ZRANB3: variants seen among roughly 807,000 people sequenced by gnomAD.
ZRANB3 encodes the protein zinc finger RANBP2-type containing 3, also known as DNA annealing helicase and endonuclease ZRANB3.
A neutral mutation model predicts 133.8 loss-of-function variants in ZRANB3; 125 were observed. The observed-to-expected ratio is 0.93, with a 90% CI of 0.81 to 1.08. ZRANB3 has a LOEUF of 1.08. Ranked by LOEUF, ZRANB3 falls within the 50% of genes least tolerant of loss-of-function variation. The pLI is 0.00. For missense variants in ZRANB3, 1,229 were observed against 1,275.5 expected, an observed-to-expected ratio of 0.96 and a Z score of 0.56; for synonymous variants, 387 against 432.7, an observed-to-expected ratio of 0.89 and a Z score of 1.31.
intron 2 of ZRANB3, among the ~76,000 whole-genome samples, chr2:135,483,117 T>C (rs1024990706): frequency 3.3e-5 from 5 of 152,118 alleles, no homozygotes; most frequent in Non-Finnish European, 5.9e-5. Flanking sequence ...GGTATCAGAA[T>C]GATGCTGGCC....
rs540141067 is a variant in ZRANB3 at position 135,322,470 on chromosome 2, C to A, written c.678-6940G>T. On this transcript the variant is annotated intron_variant, in intron 6 of 20. Transcript: ENST00000264159. ...GTGGCTCATGCCTGTAATCCCAACA[C>A]TTTGGGAGGTCAAAGTGGGAGAATT... is the stretch of plus-strand genomic sequence containing the variant. Among the ~76,000 whole-genome samples, 8 of 152,216 alleles carry A rather than the reference C, an allele frequency of 5.3e-5. No homozygotes were observed. In the South Asian group the frequency reaches 1.7e-3, roughly 32 times the overall value.
At chr2:135,350,268 T>C in intron 4 of ZRANB3, 53 bp from the exon 5 acceptor site, 1 of 1,342,156 alleles carries the variant, frequency 7.5e-7, no homozygotes, top group Non-Finnish European at 1.0e-6. Context: ...GACGTTATCA[T>C]GAACAATACA....
intron 3 of ZRANB3, among the ~76,000 whole-genome samples, chr2:135,384,478 T>C (rs1686869738): frequency 6.6e-6 from 1 of 152,144 alleles, no homozygotes; most frequent in Admixed American, 6.5e-5. Flanking sequence ...GAGAGAATCC[T>C]CCCTAACTCA....
chr2:135,215,534 T>C (rs938995007), intron 17 of ZRANB3, among the ~76,000 whole-genome samples: 6 of 152,234 alleles, frequency 3.9e-5, no homozygotes, highest in African/African-American at 1.4e-4. Context: ...ATTACAGGCG[T>C]GAGCCACCAT....
At chr2:135,524,859 T>C (rs1694087616) in intron 1 of ZRANB3, among the ~76,000 whole-genome samples, 1 of 152,098 alleles carries the variant, frequency 6.6e-6, no homozygotes, top group Non-Finnish European at 1.5e-5. Context: ...GTATTGGGTT[T>C]AGCCTAAAAA....
chr2:135,349,994 C>G lies in ZRANB3; in HGVS notation c.581G>C (p.Arg194Thr). Residue 194 changes from arginine to threonine, a missense_variant, in exon 5 of 21, where the codon AGG becomes ACG. Transcript: ENST00000264159. Reference sequence around the variant, plus strand: ...TAAGGATTGTAATACCTCTTCAGGCCTTCCTAAAGCTGGTGTTCCTGTAAG... The same window carrying G: ...TAAGGATTGTAATACCTCTTCAGGCGTTCCTAAAGCTGGTGTTCCTGTAAG... The part of the protein sequence containing the change: ...ILLTGTPALG[R>T]PEELFMQIEA... The G allele has an allele frequency of 1.2e-6, 2 of 1,613,550 alleles. No individual in the cohort carries two copies. Among genetic ancestry groups the G allele is most frequent in the South Asian group, 2.2e-5 (2 of 91,052 alleles).
chr2:135,340,672 T>C (rs1395657457), intron 6 of ZRANB3, among the ~76,000 whole-genome samples: 5 of 151,892 alleles, frequency 3.3e-5, no homozygotes, highest in African/African-American at 9.7e-5. Flanking sequence ...GGGGAAACCA[T>C]GTATTTTTTG....
chr2:135,280,349 C>T (rs1681042706), intron 8 of ZRANB3, among the ~76,000 whole-genome samples: 1 of 152,126 alleles, frequency 6.6e-6, no homozygotes, highest in Non-Finnish European at 1.5e-5. Context: ...GGGTGGATCA[C>T]CTGAGGTCAG....
In ZRANB3 at chr2:135,390,197, A is replaced by C. The variant is rs188520097; in HGVS notation, c.180+605T>G. Among the ~76,000 whole-genome samples, 478 of 152,258 alleles carry C rather than the reference A, an allele frequency of 3.1e-3. 4 individuals are homozygous for C. The highest frequency in any genetic ancestry group is 0.011 in the African/African-American group (457 of 41,564). On this transcript the variant is annotated intron_variant, in intron 3 of 20. Coordinates refer to ENST00000264159, the MANE Select transcript of ZRANB3 (RefSeq NM_032143.4). ...CCTGGCCGTTTTGCTGTTATTCTTA[A>C]AGACATAATGAAAAACAGCAACACA...
At chr2:135,269,178 A>G (rs1256467024) in intron 10 of ZRANB3, 37 bp from the exon 11 acceptor site, 2 of 1,512,066 alleles carry the variant, frequency 1.3e-6, no homozygotes, top group Admixed American at 4.1e-5. Flanking sequence ...AGAATGTAAC[A>G]TACAGCCAAT....
intron 8 of ZRANB3, among the ~76,000 whole-genome samples, chr2:135,281,934 G>A (rs759030593): frequency 3.9e-5 from 6 of 152,196 alleles, no homozygotes; most frequent in Admixed American, 1.3e-4. Flanking sequence ...TCTTTTGGAC[G>A]TTCCATATAA....
intron 3 of ZRANB3, among the ~76,000 whole-genome samples, chr2:135,377,562 G>C (rs1419043110): frequency 6.6e-6 from 1 of 152,138 alleles, no homozygotes; most frequent in Admixed American, 6.5e-5. Context: ...ATGTCAAAGG[G>C]ACACAGGAGT....
chr2:135,214,755 T>C (rs1046579669), intron 17 of ZRANB3, among the ~76,000 whole-genome samples: 1 of 152,200 alleles, frequency 6.6e-6, no homozygotes, highest in Non-Finnish European at 1.5e-5. Flanking sequence ...ATTTTAAATG[T>C]ATTTTTATAG....
chr2:135,436,225 T>C (rs1484768210), intron 2 of ZRANB3, among the ~76,000 whole-genome samples: 1 of 152,180 alleles, frequency 6.6e-6, no homozygotes, highest in Non-Finnish European at 1.5e-5. Context: ...CCCAGCACCA[T>C]TTATTGAACA....
At position 135,242,495 on chromosome 2, in the gene ZRANB3, C is replaced by T. The variant is rs140921552; in HGVS notation, c.1540-11568G>A. ...TTAAAGAGATGGGGTCTCAGTGTTA[C>T]CCAGGGGGGGCTCAAACTCCTAGGG... is the stretch of plus-strand genomic sequence containing the variant. On this transcript the variant is annotated intron_variant, in intron 12 of 20. Coordinates refer to ENST00000264159, the MANE Select transcript of ZRANB3 (RefSeq NM_032143.4). Among the ~76,000 whole-genome samples, 678 of 151,256 alleles carry T rather than the reference C, an allele frequency of 4.5e-3. 3 individuals are homozygous for T. The highest frequency in any genetic ancestry group is 7.1e-3 in the Non-Finnish European group (483 of 67,872).
At chr2:135,295,803 T>C (rs1682041082) in intron 8 of ZRANB3, among the ~76,000 whole-genome samples, 3 of 152,226 alleles carry the variant, frequency 2.0e-5, no homozygotes, top group Admixed American at 2.0e-4. Flanking sequence ...CATTTGCTTG[T>C]CTGTAAAGGA....
In ZRANB3 at chr2:135,417,347, G is replaced by C. The variant is rs866073931; in HGVS notation, c.162-26527C>G. ...AAAGAAGACATTTATGCAGCCAAAAGACACATGAAAAAATGCTCATCATCA... is the reference window on the plus strand; with the variant it reads ...AAAGAAGACATTTATGCAGCCAAAACACACATGAAAAAATGCTCATCATCA... On this transcript the variant is annotated intron_variant, in intron 2 of 20. Transcript: ENST00000264159. Among the ~76,000 whole-genome samples, 124 of 151,824 alleles carry C rather than the reference G, an allele frequency of 8.2e-4. 1 individual carries two copies. The highest frequency in any genetic ancestry group is 2.7e-3 in the African/African-American group (110 of 41,410).
chr2:135,374,749 G>T (rs906925308), intron 3 of ZRANB3, among the ~76,000 whole-genome samples: 1 of 152,042 alleles, frequency 6.6e-6, no homozygotes, highest in South Asian at 2.1e-4. Context: ...TGATCTGGCC[G>T]CCTTGGCCTC....
intron 2 of ZRANB3, among the ~76,000 whole-genome samples, chr2:135,475,574 T>C (rs1486044976): frequency 6.6e-6 from 1 of 152,192 alleles, no homozygotes; most frequent in Non-Finnish European, 1.5e-5. Flanking sequence ...AAAGCCAGCT[T>C]TGGCTAAAGC....
Sources: allele counts gnomAD v4.1 joint callset (sites outside exome capture counted in the v4.1 genomes callset), GRCh38; gene constraint gnomAD v4.1.1; transcripts MANE v1.5; gene names NCBI Gene and HGNC (gene_info 2026-07-23, HGNC 2026-07-21).